SEMA6D: variants seen among roughly 807,000 people sequenced by gnomAD.
The protein encoded by SEMA6D is semaphorin 6D, also known as semaphorin-6D.
In SEMA6D, 35 loss-of-function variants were observed where a neutral mutation model predicts 106.6. The observed-to-expected ratio is 0.33, with a 90% CI of 0.25 to 0.44. The LOEUF (loss-of-function observed/expected upper bound fraction) is 0.44, where lower values mean the gene tolerates loss of function less well. Among genes scored for constraint, SEMA6D ranks in the 20% least tolerant of loss-of-function variants. The pLI is 1.00. For missense variants in SEMA6D, 1,185 were observed against 1,345.9 expected (o/e 0.88, Z 1.87); for synonymous variants, 499 against 487.7 (o/e 1.02, Z -0.31).
intron 1 of SEMA6D, among the ~76,000 whole-genome samples, chr15:47,348,721 C>CAAAGAGAGAGAGAG (rs1313096616): frequency 4.1e-5 from 1 of 24,634 alleles, no homozygotes; most frequent in African/African-American, 9.8e-5. Context: ...ACACACACCA[C>CAAAGAGAGAGAGAG]ACACACAGAG....
At chr15:47,505,611 T>C (rs909470284) in intron 3 of SEMA6D, among the ~76,000 whole-genome samples, 2 of 152,130 alleles carry the variant, frequency 1.3e-5, no homozygotes, top group Admixed American at 6.5e-5. Context: ...CATGCAAAGA[T>C]ACTTAGGAGG....
At chr15:47,619,991 G>A (rs911488113) in intron 4 of SEMA6D, among the ~76,000 whole-genome samples, 3 of 152,030 alleles carry the variant, frequency 2.0e-5, no homozygotes, top group Non-Finnish European at 4.4e-5. Flanking sequence ...GTTCAATACA[G>A]GATGTGACTG....
intron 4 of SEMA6D, among the ~76,000 whole-genome samples, chr15:47,706,388 G>A (rs549651388): frequency 2.9e-4 from 44 of 152,102 alleles, no homozygotes; most frequent in Non-Finnish European, 5.9e-4. Flanking sequence ...TGTTTATGGA[G>A]GGTAATAAAG....
At chr15:47,709,871 A>G (rs550400137) in intron 4 of SEMA6D, among the ~76,000 whole-genome samples, 1 of 149,654 alleles carries the variant, frequency 6.7e-6, no homozygotes, top group South Asian at 2.1e-4. Flanking sequence ...TCTTCAACAT[A>G]AAAACTGGCA....
At chr15:47,221,295 A>C (rs577441464) in intron 1 of SEMA6D, among the ~76,000 whole-genome samples, 2 of 152,146 alleles carry the variant, frequency 1.3e-5, no homozygotes, top group Non-Finnish European at 2.9e-5. Context: ...GGCCCTCCCC[A>C]TGGCTCCAGC....
intron 1 of SEMA6D, among the ~76,000 whole-genome samples, chr15:47,195,181 G>C (rs928205513): frequency 3.9e-5 from 6 of 151,936 alleles, no homozygotes; most frequent in Non-Finnish European, 7.4e-5. Context: ...GGACAGTGGA[G>C]AAAAAAAGAG....
chr15:47,236,362 C>A (rs1410623323), intron 1 of SEMA6D, among the ~76,000 whole-genome samples: 1 of 151,946 alleles, frequency 6.6e-6, no homozygotes. Flanking sequence ...CTCTCCACCC[C>A]CATGTTGCCA....
chr15:47,422,748 A>T (rs2041213141), intron 2 of SEMA6D, among the ~76,000 whole-genome samples: 1 of 152,086 alleles, frequency 6.6e-6, no homozygotes, highest in Admixed American at 6.6e-5. Flanking sequence ...TTATCACTGC[A>T]AGAGGCATTT....
chr15:47,308,785 G>C (rs932843224), intron 1 of SEMA6D, among the ~76,000 whole-genome samples: 1 of 152,194 alleles, frequency 6.6e-6, no homozygotes, highest in African/African-American at 2.4e-5. Flanking sequence ...AATTACATGA[G>C]TGCTAACTCA....
chr15:47,409,845 G>GC (rs569711818), intron 1 of SEMA6D, among the ~76,000 whole-genome samples: 127 of 147,786 alleles, frequency 8.6e-4, no homozygotes, highest in African/African-American at 3.0e-3. Flanking sequence ...GGGATGGGAG[G>GC]AGCAAATGCA....
At chr15:47,721,665 G>T (rs1046064013) in intron 1 of SEMA6D, among the ~76,000 whole-genome samples, 3 of 152,130 alleles carry the variant, frequency 2.0e-5, no homozygotes, top group Non-Finnish European at 4.4e-5. Flanking sequence ...CTCCCAACAG[G>T]AAAACTACTA....
intron 3 of SEMA6D, among the ~76,000 whole-genome samples, chr15:47,515,917 C>A (rs189363467): frequency 1.2e-3 from 184 of 152,248 alleles, no homozygotes; most frequent in African/African-American, 4.3e-3. Flanking sequence ...TCTCACTATG[C>A]AGTCATTCTC....
chr15:47,506,776 T>C (rs1339622420), intron 3 of SEMA6D, among the ~76,000 whole-genome samples: 2 of 152,158 alleles, frequency 1.3e-5, no homozygotes, highest in African/African-American at 4.8e-5. Context: ...GCCATACCCA[T>C]TGAGAAGAGA....
chr15:47,615,353 C>T (rs2076987658), intron 4 of SEMA6D, among the ~76,000 whole-genome samples: 1 of 152,166 alleles, frequency 6.6e-6, no homozygotes, highest in Non-Finnish European at 1.5e-5. Flanking sequence ...ACTTGCGCAT[C>T]TGTGGATTTT....
At chr15:47,653,712 A>G (rs527318913) in intron 4 of SEMA6D, among the ~76,000 whole-genome samples, 1 of 152,372 alleles carries the variant, frequency 6.6e-6, no homozygotes, top group Non-Finnish European at 1.5e-5. Flanking sequence ...CCATGCAACA[A>G]TAATGTACTT....
At chr15:47,741,158 G>A (rs1357184812) in intron 1 of SEMA6D, among the ~76,000 whole-genome samples, 1 of 152,094 alleles carries the variant, frequency 6.6e-6, no homozygotes, top group African/African-American at 2.4e-5. Flanking sequence ...TTTCTTCTGT[G>A]TTATCTTTCT....
At position 47,688,755 on chromosome 15, in the gene SEMA6D, T is replaced by C. The variant is rs181422466; in HGVS notation, c.-54-70990T>C. On this transcript the variant is annotated intron_variant, in intron 4 of 19. Transcript: ENST00000558014. ...ACCTGGCAACTTCACCAAACTGTAC[T>C]TCAGTTTCTTCACTGAAAGATGAGG... is the stretch of plus-strand genomic sequence containing the variant. 3.4e-3 allele frequency among the ~76,000 whole-genome samples: 512 copies of C among 152,314 alleles called. 1 individual carries two copies. Among genetic ancestry groups the C allele is most frequent in the Middle Eastern group, 6.8e-3 (2 of 294 alleles).
chr15:47,255,165 A>G (rs1426753091), intron 1 of SEMA6D, among the ~76,000 whole-genome samples: 3 of 152,070 alleles, frequency 2.0e-5, no homozygotes, highest in South Asian at 2.1e-4. Flanking sequence ...TTATGATTCA[A>G]TCTTGGTAGG....
At chr15:47,352,540 G>A (rs1470253738) in intron 1 of SEMA6D, among the ~76,000 whole-genome samples, 1 of 152,160 alleles carries the variant, frequency 6.6e-6, no homozygotes, top group Non-Finnish European at 1.5e-5. Context: ...GAGGCAGCAG[G>A]TAGACCCATG....
Sources: allele counts gnomAD v4.1 joint callset (sites outside exome capture counted in the v4.1 genomes callset), GRCh38; gene constraint gnomAD v4.1.1; transcripts MANE v1.5; gene names NCBI Gene and HGNC (gene_info 2026-07-23, HGNC 2026-07-21).